Variants in SLC12A6 observed in about 807,000 individuals in gnomAD.
SLC12A6 encodes solute carrier family 12 member 6, also known as K-Cl cotransporter 3.
In SLC12A6, 66 loss-of-function variants were observed where a neutral mutation model predicts 135.3. The ratio of observed to expected loss-of-function variants is 0.49; its 90% CI spans 0.40 to 0.60. The LOEUF (loss-of-function observed/expected upper bound fraction) is 0.60, where lower values mean the gene tolerates loss of function less well. Ranked by LOEUF, SLC12A6 falls within the 20% of genes least tolerant of loss-of-function variation. The probability of loss-of-function intolerance (pLI) is 0.00; values close to 1 mark genes in which losing one functional copy is unlikely to be tolerated. For synonymous variants in SLC12A6, 513 were observed against 508.8 expected, an observed-to-expected ratio of 1.01 and a Z score of -0.11; for missense variants, 1,058 against 1,452.3, an observed-to-expected ratio of 0.73 and a Z score of 4.41.
intron 3 of SLC12A6, among the ~76,000 whole-genome samples, chr15:34,269,536 C>T (rs991110943): frequency 6.6e-6 from 1 of 152,176 alleles, no homozygotes; most frequent in Non-Finnish European, 1.5e-5. Context: ...TTTCCCTTGG[C>T]ACAGGTTTGG....
chr15:34,260,810 C>A (rs1384208693), intron 4 of SLC12A6, 116 bp downstream of exon 4: 13 of 651,936 alleles, frequency 2.0e-5, no homozygotes, highest in Non-Finnish European at 2.8e-5. Flanking sequence ...ACAATATTTT[C>A]TTTTAACATT....
chr15:34,291,834 A>G (rs112363350), intron 2 of SLC12A6, among the ~76,000 whole-genome samples: 5,965 of 152,058 alleles, frequency 0.039, 216 homozygotes, highest in African/African-American at 0.099. Flanking sequence ...CAGATCCATC[A>G]TGTCATTTAA....
intron 18 of SLC12A6, 114 bp downstream of exon 18, chr15:34,241,119 G>A: frequency 2.8e-6 from 2 of 726,404 alleles, no homozygotes; most frequent in Non-Finnish European, 5.1e-6. Flanking sequence ...TTCAAAACAG[G>A]TCCATTATAC....
intron 2 of SLC12A6, among the ~76,000 whole-genome samples, chr15:34,293,403 C>T (rs1418455710): frequency 6.6e-6 from 1 of 152,066 alleles, no homozygotes; most frequent in Non-Finnish European, 1.5e-5. Context: ...CTCCTGGGTT[C>T]AAGCAATTCT....
chr15:34,299,611 G>A (rs1291868104), intron 2 of SLC12A6: 1 of 152,212 alleles, frequency 6.6e-6, no homozygotes, highest in Non-Finnish European at 1.5e-5. Flanking sequence ...TAAGGAAGAA[G>A]TGGTATTTGA....
At chr15:34,297,641 G>A (rs1895962513) in intron 2 of SLC12A6, among the ~76,000 whole-genome samples, 1 of 152,200 alleles carries the variant, frequency 6.6e-6, no homozygotes, top group South Asian at 2.1e-4. Flanking sequence ...GTGCAACATT[G>A]ATCAAGGCAG....
intron 2 of SLC12A6, chr15:34,318,447 T>G: frequency 1.2e-6 from 1 of 868,988 alleles, no homozygotes; most frequent in Non-Finnish European, 2.0e-6. Flanking sequence ...GAAAAACACC[T>G]CAACCACAAC....
intron 3 of SLC12A6, among the ~76,000 whole-genome samples, chr15:34,271,339 A>G (rs898768984): frequency 6.6e-6 from 1 of 151,462 alleles, no homozygotes; most frequent in Non-Finnish European, 1.5e-5. Flanking sequence ...TTCGTTCAGG[A>G]TTGTAGATAT....
At chr15:34,280,553 A>C (rs768682597) in intron 2 of SLC12A6, among the ~76,000 whole-genome samples, 1 of 152,234 alleles carries the variant, frequency 6.6e-6, no homozygotes, top group Non-Finnish European at 1.5e-5. Context: ...TAAGATAGTT[A>C]AAGATGGAAC....
intron 2 of SLC12A6, among the ~76,000 whole-genome samples, chr15:34,321,944 T>C (rs1889119611): frequency 6.6e-6 from 1 of 152,128 alleles, no homozygotes; most frequent in African/African-American, 2.4e-5. Flanking sequence ...AGCAGGACAA[T>C]GGCTGGATCT....
chr15:34,252,410 G>T, intron 9 of SLC12A6, 26 bp from the exon 10 acceptor site: 2 of 1,346,300 alleles, frequency 1.5e-6, no homozygotes, highest in South Asian at 1.2e-5. Context: ...TAGGGAGAAA[G>T]ATCAAGTAAG....
At chr15:34,336,855 CGACT>C in intron 1 of SLC12A6, 103 bp from the exon 2 acceptor site, 1 of 651,514 alleles carries the variant, frequency 1.5e-6, no homozygotes, top group African/African-American at 1.8e-5. Context: ...GAATTCAAGC[CGACT>C]GTCCTAGAAA....
rs933923298 is a variant in SLC12A6, at chr15:34,254,569, A to G, written c.897T>C (p.Ala299=). Residue 299 remains alanine, a synonymous_variant, in exon 9 of 26, where the codon GCT becomes GCC. Transcript: ENST00000354181. ...EIFLVYIVPR[A]AIFHSDDALK... ...GTGCGTCATCACTGTGAAAGATGGC[A>G]GCTCGGGGGACGATATAGACCTGTT... The G allele has an allele frequency of 1.2e-6, 2 of 1,608,560 alleles. No homozygotes were observed. Among genetic ancestry groups the G allele is most frequent in the African/African-American group, 1.3e-5 (1 of 74,836 alleles).
intron 2 of SLC12A6, among the ~76,000 whole-genome samples, chr15:34,280,522 G>T (rs1408563312): frequency 2.0e-5 from 3 of 152,062 alleles, no homozygotes; most frequent in Non-Finnish European, 4.4e-5. Context: ...CAAAAGAAAC[G>T]ATTCCAACTC....
intron 2 of SLC12A6, among the ~76,000 whole-genome samples, chr15:34,284,016 A>G (rs1480808740): frequency 1.3e-5 from 2 of 151,386 alleles, no homozygotes; most frequent in African/African-American, 4.9e-5. Flanking sequence ...TCAGCCTCCG[A>G]GGATTACAGG....
chr15:34,255,416 A>G, intron 7 of SLC12A6, 24 bp from the exon 8 acceptor site: 1 of 1,572,880 alleles, frequency 6.4e-7, no homozygotes, highest in African/African-American at 1.3e-5. Context: ...CAGAAGGTGA[A>G]TAGAAGAAAG....
intron 9 of SLC12A6, 92 bp from the exon 10 acceptor site, chr15:34,252,476 C>T (rs1488636271): frequency 4.0e-6 from 3 of 752,252 alleles, no homozygotes; most frequent in African/African-American, 1.8e-5. Context: ...ACAAGAACCC[C>T]ATCTTTAAGA....
At chr15:34,275,257 A>G in intron 3 of SLC12A6, 88 bp downstream of exon 3, 2 of 730,192 alleles carry the variant, frequency 2.7e-6, no homozygotes, top group East Asian at 2.6e-5. Flanking sequence ...GGGATAGAAA[A>G]TAGAATCAGA....
Position 34,237,543 on chromosome 15 carries a change from C to T in SLC12A6, c.2810G>A (p.Arg937Gln), listed in dbSNP as rs751727012. Reference sequence around the variant, plus strand: ...TGTGAAGATCCGTATGCTGCACTTTCGCCACACCTGAGAGAGTGACATACA... The same window carrying T: ...TGTGAAGATCCGTATGCTGCACTTTTGCCACACCTGAGAGAGTGACATACA... ...PFLLKQHKVWRKCSIRIFTVA... is the reference protein window; with the variant it reads ...PFLLKQHKVWQKCSIRIFTVA... Residue 937 changes from arginine to glutamine, a missense_variant, in exon 22 of 26, where the codon CGA becomes CAA. Physicochemically the swap from Arg to Gln is conservative, Grantham distance 43. Coordinates refer to ENST00000354181, the MANE Select transcript of SLC12A6 (RefSeq NM_001365088.1). The T allele has an allele frequency of 1.5e-5, 24 of 1,611,876 alleles. No homozygotes were observed. The highest frequency in any genetic ancestry group is 1.1e-4 in the East Asian group (5 of 44,814).
Sources: gnomAD v4.1 joint callset for allele counts (sites outside exome capture counted in the v4.1 genomes callset) on GRCh38, gnomAD v4.1.1 for gene constraint, MANE v1.5 for transcripts, NCBI Gene and HGNC (gene_info 2026-07-23, HGNC 2026-07-21) for gene names.